The following MAGI1 variants were observed in gnomAD, a reference collection of about 807,000 sequenced individuals.
MAGI1 encodes the protein membrane associated guanylate kinase, WW and PDZ domain containing 1.
A neutral mutation model predicts 139.9 loss-of-function variants in MAGI1; 58 were observed. That is an observed-to-expected ratio of 0.41 (90% CI 0.34 to 0.52). The LOEUF (loss-of-function observed/expected upper bound fraction) is 0.52. MAGI1 is among the 20% of genes least tolerant of loss of function. The pLI is 0.12. For synonymous variants in MAGI1, 812 were observed against 737.9 expected, an observed-to-expected ratio of 1.10 and a Z score of -1.63; for missense variants, 1,874 against 1,901.6, an observed-to-expected ratio of 0.99 and a Z score of 0.27.
chr3:65,946,032 A>T lies in MAGI1; in HGVS notation c.313+91964T>A, dbSNP rs572041895. 2.0e-5 allele frequency among the ~76,000 whole-genome samples: 3 copies of T among 152,268 alleles called. No homozygotes were observed. The South Asian group carries it at 6.2e-4, about 32-fold the overall frequency. On this transcript the variant is annotated intron_variant, in intron 1 of 22. Coordinates refer to ENST00000402939, the MANE Select transcript of MAGI1 (RefSeq NM_001033057.2). Reference sequence around the variant, plus strand: ...AAGAGCCAACATTTTCCTGCTCTCTAATTTATGTTTTACTTAAGAGGAAAT... The same window carrying T: ...AAGAGCCAACATTTTCCTGCTCTCTTATTTATGTTTTACTTAAGAGGAAAT...
At chr3:65,805,443 C>T (rs917213909) in intron 1 of MAGI1, among the ~76,000 whole-genome samples, 8 of 152,104 alleles carry the variant, frequency 5.3e-5, no homozygotes, top group Admixed American at 1.3e-4. Context: ...AAACAAGAGA[C>T]GCTGGCGAGG....
intron 2 of MAGI1, among the ~76,000 whole-genome samples, chr3:65,586,823 A>G (rs1317750013): frequency 1.3e-5 from 2 of 152,020 alleles, no homozygotes; most frequent in East Asian, 1.9e-4. Context: ...GTTCGCTCCA[A>G]TATCTTCATT....
rs576199114 is a variant in MAGI1 at position 65,717,182 on chromosome 3, A to T, written c.314-95094T>A. ...GCAGGCTCATCTAAAAGACAGTGAA[A>T]GAAAGTTAATATAGGACAAACAACC... is the stretch of plus-strand genomic sequence containing the variant. On this transcript the variant is annotated intron_variant, in intron 1 of 22. Coordinates refer to ENST00000402939, the MANE Select transcript of MAGI1 (RefSeq NM_001033057.2). Among the ~76,000 whole-genome samples the T allele has an allele frequency of 9.2e-5, 14 of 152,352 alleles. No homozygotes were observed. The South Asian group carries it at 2.9e-3, about 32-fold the overall frequency.
intron 1 of MAGI1, among the ~76,000 whole-genome samples, chr3:65,851,234 T>C (rs144361655): frequency 6.6e-6 from 1 of 152,318 alleles, no homozygotes; most frequent in Non-Finnish European, 1.5e-5. Flanking sequence ...GGGATAAAAC[T>C]AATATCCACA....
At chr3:65,532,366 G>T (rs1031787231) in intron 2 of MAGI1, among the ~76,000 whole-genome samples, 6 of 152,144 alleles carry the variant, frequency 3.9e-5, no homozygotes, top group Non-Finnish European at 8.8e-5. Flanking sequence ...CATGGACTGC[G>T]ACTTAATCTC....
intron 1 of MAGI1, among the ~76,000 whole-genome samples, chr3:65,824,049 C>A (rs1449401127): frequency 6.6e-6 from 1 of 152,218 alleles, no homozygotes; most frequent in Non-Finnish European, 1.5e-5. Context: ...GTTCCTACCA[C>A]AATGCCAAGT....
chr3:65,602,425 T>A (rs1400058201), intron 2 of MAGI1, among the ~76,000 whole-genome samples: 2 of 152,028 alleles, frequency 1.3e-5, no homozygotes, highest in Non-Finnish European at 2.9e-5. Flanking sequence ...TCACGCTGAG[T>A]AAAAGAAGAC....
At chr3:65,493,779 G>A (rs1374456120) in intron 2 of MAGI1, 148 bp from the exon 3 acceptor site, 7 of 833,390 alleles carry the variant, frequency 8.4e-6, no homozygotes, top group African/African-American at 3.4e-5. Context: ...ACACAGTAAA[G>A]GCAACTTCTT....
At chr3:65,630,010 C>T (rs2084201563) in intron 1 of MAGI1, among the ~76,000 whole-genome samples, 1 of 152,250 alleles carries the variant, frequency 6.6e-6, no homozygotes, top group East Asian at 1.9e-4. Context: ...CACAAACGTA[C>T]AACAAACAAA....
chr3:65,978,457 G>A (rs140380034), intron 1 of MAGI1, among the ~76,000 whole-genome samples: 2 of 151,928 alleles, frequency 1.3e-5, no homozygotes, highest in Non-Finnish European at 2.9e-5. Flanking sequence ...CCAGGGGAGG[G>A]AGCTGACTGT....
intron 9 of MAGI1, among the ~76,000 whole-genome samples, chr3:65,438,426 T>C (rs1391517262): frequency 6.6e-6 from 1 of 152,220 alleles, no homozygotes; most frequent in African/African-American, 2.4e-5. Flanking sequence ...GTACAATGTA[T>C]ACTATTTGGG....
intron 1 of MAGI1, among the ~76,000 whole-genome samples, chr3:65,815,112 C>T (rs1286240945): frequency 6.6e-6 from 1 of 152,168 alleles, no homozygotes; most frequent in Non-Finnish European, 1.5e-5. Flanking sequence ...CGGCAGCATT[C>T]GTATCTGCTC....
chr3:66,011,029 A>T (rs886485012), intron 1 of MAGI1, among the ~76,000 whole-genome samples: 1 of 152,214 alleles, frequency 6.6e-6, no homozygotes, highest in Non-Finnish European at 1.5e-5. Context: ...AGGGAACTGG[A>T]GGGACACCAA....
intron 1 of MAGI1, among the ~76,000 whole-genome samples, chr3:65,686,109 T>G (rs1352627201): frequency 6.6e-6 from 1 of 152,116 alleles, no homozygotes; most frequent in East Asian, 1.9e-4. Flanking sequence ...TAACTGTGAC[T>G]CTCTACTTGA....
intron 1 of MAGI1, among the ~76,000 whole-genome samples, chr3:65,806,928 C>A (rs1409788108): frequency 6.6e-6 from 1 of 152,100 alleles, no homozygotes; most frequent in Non-Finnish European, 1.5e-5. Context: ...ATACTGATGA[C>A]ATAGTTGATG....
chr3:65,416,877 A>C (rs925711097), intron 12 of MAGI1, among the ~76,000 whole-genome samples: 12 of 152,182 alleles, frequency 7.9e-5, no homozygotes, highest in Admixed American at 1.3e-4. Flanking sequence ...AAATACAAAC[A>C]AAGGAAATAC....
At chr3:66,012,069 C>T (rs1234361134) in intron 1 of MAGI1, among the ~76,000 whole-genome samples, 1 of 151,998 alleles carries the variant, frequency 6.6e-6, no homozygotes, top group Non-Finnish European at 1.5e-5. Context: ...TTTGCTTTTG[C>T]TTGTTTTAGT....
chr3:65,899,151 A>G (rs2061111649), intron 1 of MAGI1, among the ~76,000 whole-genome samples: 1 of 152,144 alleles, frequency 6.6e-6, no homozygotes, highest in African/African-American at 2.4e-5. Flanking sequence ...TCCTGGGCTC[A>G]AGCAACCCTC....
intron 2 of MAGI1, among the ~76,000 whole-genome samples, chr3:65,508,891 A>C (rs1297881833): frequency 6.6e-6 from 1 of 152,230 alleles, no homozygotes; most frequent in East Asian, 1.9e-4. Flanking sequence ...TGTCAACAGC[A>C]ACTGCTGATC....
Sources: allele counts gnomAD v4.1 joint callset (sites outside exome capture counted in the v4.1 genomes callset), GRCh38; gene constraint gnomAD v4.1.1; transcripts MANE v1.5; gene names NCBI Gene and HGNC (gene_info 2026-07-23, HGNC 2026-07-21).